RBFOX2: variants seen among roughly 807,000 people sequenced by gnomAD.
The protein encoded by RBFOX2 is RNA binding protein fox-1 homolog 2.
Under a neutral mutation model 49.1 loss-of-function variants are expected in RBFOX2, and 10 were observed. That is an observed-to-expected ratio of 0.20 (90% CI 0.13 to 0.35). The LOEUF (loss-of-function observed/expected upper bound fraction) is 0.35. Among genes scored for constraint, RBFOX2 ranks in the 10% least tolerant of loss-of-function variants. The pLI, the probability that RBFOX2 is intolerant of heterozygous loss-of-function variation, is 1.00. For synonymous variants in RBFOX2, 183 were observed against 187.4 expected (o/e 0.98, Z 0.19); for missense variants, 323 against 486.9 (o/e 0.66, Z 3.17).
chr22:35,745,271 G>A (rs1169905944), intron 11 of RBFOX2, among the ~76,000 whole-genome samples: 3 of 152,190 alleles, frequency 2.0e-5, no homozygotes, highest in Admixed American at 2.0e-4. Flanking sequence ...TGCAGCCTGT[G>A]AGTCCTAATC....
chr22:35,800,260 G>A lies in RBFOX2; in HGVS notation c.252+9520C>T, dbSNP rs970810472. 2.0e-5 allele frequency among the ~76,000 whole-genome samples: 3 copies of A among 152,036 alleles called. No homozygotes were observed. In the South Asian group the frequency reaches 6.2e-4, roughly 31 times the overall value. ...ATTCCCCCTCTACATAACCACTTAA[G>A]ACTGTTTCCTAATCGTCTGCCTGCT... On this transcript the variant is annotated intron_variant, in intron 2 of 11. Transcript: ENST00000405409.
intron 9 of RBFOX2, chr22:35,748,009 T>G (rs1444871257): frequency 6.6e-6 from 1 of 152,242 alleles, no homozygotes; most frequent in Non-Finnish European, 1.5e-5. Flanking sequence ...TTCTTTTATT[T>G]GTTACCCCTT....
chr22:36,028,104 C>A, intron 1 of RBFOX2, 136 bp downstream of exon 1: 14 of 1,287,880 alleles, frequency 1.1e-5, no homozygotes, highest in Non-Finnish European at 1.4e-5. Flanking sequence ...ACCTTCCAAC[C>A]AGGCCCCGAA....
At chr22:35,897,129 T>C (rs2047950019) in intron 1 of RBFOX2, 1 of 522,904 alleles carries the variant, frequency 1.9e-6, no homozygotes, top group Non-Finnish European at 3.4e-6. Context: ...TTTTTTTCTT[T>C]TTAACCTCAA....
At chr22:35,756,252 T>C in intron 9 of RBFOX2, 108 bp from the exon 11 acceptor site, 1 of 953,800 alleles carries the variant, frequency 1.0e-6, no homozygotes, top group Non-Finnish European at 1.4e-6. Context: ...AGGCAGGTGA[T>C]GTATGAATAC....
intron 1 of RBFOX2, among the ~76,000 whole-genome samples, chr22:35,903,097 T>A (rs980335127): frequency 6.6e-6 from 1 of 152,138 alleles, no homozygotes; most frequent in Non-Finnish European, 1.5e-5. Flanking sequence ...CTCATCTCCC[T>A]CCAGCTACCT....
intron 2 of RBFOX2, among the ~76,000 whole-genome samples, chr22:35,786,567 A>G (rs1326331561): frequency 6.6e-6 from 1 of 152,228 alleles, no homozygotes; most frequent in African/African-American, 2.4e-5. Flanking sequence ...TTCCCCTGGC[A>G]AAGGGTCACG....
intron 1 of RBFOX2, among the ~76,000 whole-genome samples, chr22:35,817,164 CAG>C (rs912526278): frequency 6.6e-6 from 1 of 151,998 alleles, no homozygotes; most frequent in Non-Finnish European, 1.5e-5. Context: ...TTTAGAAGAA[CAG>C]AGTCAGTTAA....
intron 1 of RBFOX2, among the ~76,000 whole-genome samples, chr22:35,886,003 C>G (rs1027378115): frequency 4.0e-5 from 6 of 151,486 alleles, no homozygotes; most frequent in African/African-American, 1.5e-4. Context: ...ACTACAGGCA[C>G]CCACCACCAC....
At chr22:36,028,355 C>T (rs777978058) in exon 1 of RBFOX2, 3 of 1,435,328 alleles carry the variant, frequency 2.1e-6, no homozygotes, top group African/African-American at 2.9e-5. Flanking sequence ...CTCCGACTCC[C>T]GCTTCATGCC....
At chr22:35,767,478 A>T (rs1361242886) in intron 5 of RBFOX2, among the ~76,000 whole-genome samples, 5 of 152,166 alleles carry the variant, frequency 3.3e-5, no homozygotes, top group Non-Finnish European at 7.3e-5. Context: ...AAAGCAAAAT[A>T]TGCAGACATC....
At chr22:35,946,090 T>C (rs1370587869) in intron 1 of RBFOX2, among the ~76,000 whole-genome samples, 1 of 152,162 alleles carries the variant, frequency 6.6e-6, no homozygotes, top group Non-Finnish European at 1.5e-5. Flanking sequence ...AGATTATCTT[T>C]GAAACACACC....
At chr22:36,000,192 G>C (rs995397084) in intron 1 of RBFOX2, 6 of 151,916 alleles carry the variant, frequency 3.9e-5, no homozygotes, top group African/African-American at 1.5e-4. Flanking sequence ...GTAGAGACAG[G>C]GTTTCGCCAT....
chr22:36,003,870 G>A (rs1040108020), intron 1 of RBFOX2, among the ~76,000 whole-genome samples: 1 of 152,174 alleles, frequency 6.6e-6, no homozygotes, highest in African/African-American at 2.4e-5. Context: ...AACAACTGTT[G>A]CCTTTACTCA....
At chr22:35,927,702 G>GA (rs1325046881) in intron 1 of RBFOX2, among the ~76,000 whole-genome samples, 2 of 150,910 alleles carry the variant, frequency 1.3e-5, no homozygotes, top group Non-Finnish European at 2.9e-5. Context: ...AGCGAGCCTT[G>GA]AATGTCTGGC....
At chr22:36,016,293 G>A (rs934051565) in intron 1 of RBFOX2, among the ~76,000 whole-genome samples, 1 of 151,896 alleles carries the variant, frequency 6.6e-6, no homozygotes, top group South Asian at 2.1e-4. Flanking sequence ...GCCACATTCA[G>A]ACACCCCCAG....
At chr22:36,023,599 C>A (rs1238208845) in intron 1 of RBFOX2, among the ~76,000 whole-genome samples, 4 of 151,484 alleles carry the variant, frequency 2.6e-5, no homozygotes, top group African/African-American at 7.4e-5. Flanking sequence ...ACATATTAAA[C>A]TTAAAGTGAA....
upstream of RBFOX2, among the ~76,000 whole-genome samples, chr22:35,962,227 A>G (rs1472926276): frequency 6.6e-6 from 1 of 152,204 alleles, no homozygotes; most frequent in Non-Finnish European, 1.5e-5. Context: ...TTCCTCCATC[A>G]TAGGAAGAAT....
At chr22:35,897,841 T>C in intron 1 of RBFOX2, 1 of 741,976 alleles carries the variant, frequency 1.3e-6, no homozygotes, top group East Asian at 2.5e-5. Flanking sequence ...CACTGCTTTC[T>C]CTCCAACAGC....
Sources: allele counts gnomAD v4.1 joint callset (sites outside exome capture counted in the v4.1 genomes callset), GRCh38; gene constraint gnomAD v4.1.1; transcripts MANE v1.5; gene names NCBI Gene and HGNC (gene_info 2026-07-23, HGNC 2026-07-21).